FGF13: variants seen among roughly 807,000 people sequenced by gnomAD.
FGF13 encodes the protein fibroblast growth factor homologous factor 2.
A neutral mutation model predicts 19.5 loss-of-function variants in FGF13; 2 were observed. The observed-to-expected ratio is 0.10, with a 90% CI of 0.04 to 0.32. FGF13 has a LOEUF of 0.32. FGF13 is among the 10% of genes least tolerant of loss of function. The pLI is 1.00. For missense variants in FGF13, 113 were observed against 192.7 expected (o/e 0.59, Z 2.45); for synonymous variants, 72 against 76.9 (o/e 0.94, Z 0.33).
chrX:138,909,414 GTGAGACTAAA>G (rs1301640342), intron 1 of FGF13, among the ~76,000 whole-genome samples: 1 of 111,985 alleles, frequency 8.9e-6, no homozygotes, highest in Non-Finnish European at 1.9e-5. Flanking sequence ...GCTCCTGGAT[GTGAGACTAAA>G]TGACACACCC....
At chrX:138,939,801 T>G (rs1041806779) in intron 1 of FGF13, among the ~76,000 whole-genome samples, 2 of 112,523 alleles carry the variant, frequency 1.8e-5, no homozygotes, top group African/African-American at 6.5e-5. Flanking sequence ...TACCACATTT[T>G]CTTTATCCAG....
chrX:138,920,996 A>C (rs2091641901), intron 1 of FGF13, among the ~76,000 whole-genome samples: 1 of 111,967 alleles, frequency 8.9e-6, no homozygotes, highest in Non-Finnish European at 1.9e-5. Flanking sequence ...ACCCTCAGAC[A>C]AATTACATGG....
At chrX:139,124,528 A>G (rs1189485142) in intron 1 of FGF13, among the ~76,000 whole-genome samples, 2 of 111,427 alleles carry the variant, frequency 1.8e-5, no homozygotes, top group Non-Finnish European at 3.8e-5. Flanking sequence ...CAGGGCCTAC[A>G]AGTGAGCATA....
At chrX:138,783,682 T>C (rs1220066581) in intron 3 of FGF13, among the ~76,000 whole-genome samples, 3 of 102,227 alleles carry the variant, frequency 2.9e-5, no homozygotes, top group Admixed American at 2.2e-4. Flanking sequence ...CTGGAGAGGA[T>C]GTGGAGAAAT....
intron 3 of FGF13, among the ~76,000 whole-genome samples, chrX:138,814,044 AT>A (rs200496033): frequency 0.014 from 1,577 of 110,251 alleles, 34 homozygotes; most frequent in African/African-American, 0.05. Flanking sequence ...CCAAAACTAT[AT>A]TTTTCTTAAT....
chrX:138,836,880 G>T (rs2091115799), intron 3 of FGF13, among the ~76,000 whole-genome samples: 1 of 82,027 alleles, frequency 1.2e-5, no homozygotes, highest in African/African-American at 6.6e-5. Context: ...TTTGGTGGTG[G>T]GTTTTTTTTT....
chrX:138,952,115 G>T (rs946609298), intron 1 of FGF13, among the ~76,000 whole-genome samples: 6 of 111,385 alleles, frequency 5.4e-5, no homozygotes, highest in Admixed American at 4.8e-4. Flanking sequence ...AGCCCGCATT[G>T]CCAAGTCAAT....
At chrX:138,850,096 G>T (rs1271833483) in intron 3 of FGF13, among the ~76,000 whole-genome samples, 1 of 111,155 alleles carries the variant, frequency 9.0e-6, no homozygotes, top group African/African-American at 3.3e-5. Context: ...AAGGGAGAGG[G>T]GAGGTCAGTT....
chrX:139,020,295 G>T (rs1050783811), intron 1 of FGF13, among the ~76,000 whole-genome samples: 3 of 111,026 alleles, frequency 2.7e-5, no homozygotes, highest in African/African-American at 9.8e-5. Flanking sequence ...AACCCATGGG[G>T]ACATAAAAAT....
intron 1 of FGF13, among the ~76,000 whole-genome samples, chrX:139,200,205 A>C (rs1282692525): frequency 8.9e-6 from 1 of 112,235 alleles, no homozygotes; most frequent in Non-Finnish European, 1.9e-5. Context: ...GAGGTCACCA[A>C]CCTCATAATT....
chrX:139,100,911 A>G (rs986792448), intron 1 of FGF13, among the ~76,000 whole-genome samples: 18 of 110,981 alleles, frequency 1.6e-4, no homozygotes, highest in Admixed American at 1.2e-3. Flanking sequence ...TACTATTAAT[A>G]TCATCCATTA....
At chrX:138,740,485 C>T (rs1012375849), upstream of FGF13, among the ~76,000 whole-genome samples, 9 of 111,944 alleles carry the variant, frequency 8.0e-5, no homozygotes, top group South Asian at 3.7e-4. Context: ...CAACACTAAG[C>T]GTGTAACAGA....
At chrX:138,838,893 G>A (rs1235836297) in intron 3 of FGF13, among the ~76,000 whole-genome samples, 2 of 111,682 alleles carry the variant, frequency 1.8e-5, no homozygotes, top group African/African-American at 6.5e-5. Flanking sequence ...GGGCTACTGG[G>A]ATGGAATGAA....
chrX:138,664,077 A>G (rs1174313378), intron 3 of FGF13, among the ~76,000 whole-genome samples: 2 of 111,995 alleles, frequency 1.8e-5, no homozygotes, highest in Non-Finnish European at 3.8e-5. Context: ...CTGCCACTAC[A>G]GCATCTTCTT....
At chrX:138,857,780 A>G (rs1463667884) in intron 2 of FGF13, 4 of 716,448 alleles carry the variant, frequency 5.6e-6, no homozygotes, top group Non-Finnish European at 5.7e-6. Flanking sequence ...AAGAAACAAC[A>G]GCCCTAAGAA....
At chrX:139,204,363 G>A, upstream of FGF13, 4 of 276,922 alleles carry the variant, frequency 1.4e-5, no homozygotes, top group South Asian at 3.1e-4. Flanking sequence ...GGCCGCGGGA[G>A]GAGCCGCTCG....
At chrX:139,040,202 A>G (rs1480355132) in intron 1 of FGF13, among the ~76,000 whole-genome samples, 1 of 112,336 alleles carries the variant, frequency 8.9e-6, no homozygotes, top group Non-Finnish European at 1.9e-5. Context: ...AGGAAAGTGA[A>G]GCACAGAGAA....
chrX:139,157,447 C>T (rs1195348320), intron 1 of FGF13, among the ~76,000 whole-genome samples: 1 of 111,993 alleles, frequency 8.9e-6, no homozygotes, highest in Non-Finnish European at 1.9e-5. Flanking sequence ...GGATTAATGT[C>T]ACTATCAGGA....
intron 1 of FGF13, among the ~76,000 whole-genome samples, chrX:139,064,962 T>C (rs58840637): frequency 0.24 from 26,785 of 110,574 alleles, 3,373 homozygotes; most frequent in African/African-American, 0.48. Flanking sequence ...TTGATCAATT[T>C]GGCTATTGAT....
Sources: allele counts gnomAD v4.1 joint callset (sites outside exome capture counted in the v4.1 genomes callset), GRCh38; gene constraint gnomAD v4.1.1; transcripts MANE v1.5; gene names NCBI Gene and HGNC (gene_info 2026-07-23, HGNC 2026-07-21).